ACBD5: variants seen among roughly 807,000 people sequenced by gnomAD.
The protein encoded by ACBD5 is acyl-CoA-binding domain-containing protein 5.
Under a neutral mutation model 71.8 loss-of-function variants are expected in ACBD5, and 40 were observed. The ratio of observed to expected loss-of-function variants is 0.56; its 90% CI spans 0.43 to 0.72. The LOEUF (loss-of-function observed/expected upper bound fraction) is 0.72. ACBD5 is among the 30% of genes least tolerant of loss of function. ACBD5 has a pLI of 0.00. For missense variants in ACBD5, 559 were observed against 644.5 expected (o/e 0.87, Z 1.44); for synonymous variants, 229 against 218.6 (o/e 1.05, Z -0.42).
At position 27,197,313 on chromosome 10, in the gene ACBD5, G is replaced by T; in HGVS notation, c.*117C>A. 1.0e-6 allele frequency: 1 copy of T among 971,138 alleles called. No individual in the cohort carries two copies. Among genetic ancestry groups the T allele is most frequent in the East Asian group, 2.5e-5 (1 of 39,878 alleles). 60.2% of individuals were successfully genotyped at this position (971,138 alleles called of 1,614,324 possible). A position where few individuals can be genotyped will look rare whatever the true frequency, so the allele number is the denominator to read the frequency against. Reference sequence around the variant, plus strand: ...ATATATGTACACAAACTAAACTACTGGACAACAAAAAGCAATGTAATCATC... The same window carrying T: ...ATATATGTACACAAACTAAACTACTTGACAACAAAAAGCAATGTAATCATC... On this transcript the variant is annotated 3_prime_UTR_variant, in exon 13 of 13. Coordinates refer to ENST00000396271, the MANE Select transcript of ACBD5 (RefSeq NM_145698.5).
At chr10:27,197,850 T>G (rs900579517) in intron 12 of ACBD5, among the ~76,000 whole-genome samples, 3 of 152,148 alleles carry the variant, frequency 2.0e-5, no homozygotes, top group Non-Finnish European at 2.9e-5. Flanking sequence ...TTTCGCCATT[T>G]GAACTCCTGA....
intron 9 of ACBD5, among the ~76,000 whole-genome samples, chr10:27,209,454 C>G (rs2060833130): frequency 6.6e-6 from 1 of 152,114 alleles, no homozygotes; most frequent in African/African-American, 2.4e-5. Flanking sequence ...TCCCAAGCAA[C>G]TGGGATTACA....
intron 8 of ACBD5, among the ~76,000 whole-genome samples, chr10:27,215,112 C>T (rs769901312): frequency 3.3e-4 from 50 of 151,946 alleles, no homozygotes; most frequent in Non-Finnish European, 5.7e-4. Flanking sequence ...TGCAGTGACC[C>T]GAGATTGCGC....
chr10:27,183,186 C>CT (rs1405526656), intron 13 of ACBD5, among the ~76,000 whole-genome samples: 1 of 152,112 alleles, frequency 6.6e-6, no homozygotes, highest in Non-Finnish European at 1.5e-5. Context: ...TTATATACCA[C>CT]TCAGTAGTTT....
downstream of ACBD5, among the ~76,000 whole-genome samples, chr10:27,193,736 GAGAA>G (rs1309451221): frequency 6.6e-6 from 1 of 152,140 alleles, no homozygotes; most frequent in Non-Finnish European, 1.5e-5. Context: ...CTAAAGATGG[GAGAA>G]AGAAAGACAG....
rs950606708 is a variant in ACBD5, at chr10:27,226,738, G to A, written c.376-3286C>T. The stretch of plus-strand genomic sequence containing the variant: ...ATGATCTTGGCTCACTGCAGCCTCT[G>A]CCTCTGGGGTTCAAGCAATTCTCCT... On this transcript the variant is annotated intron_variant, in intron 4 of 12. Coordinates refer to ENST00000396271, the MANE Select transcript of ACBD5 (RefSeq NM_145698.5). Among the ~76,000 whole-genome samples, 2 of 151,560 alleles carry A rather than the reference G, an allele frequency of 1.3e-5. 1 individual carries two copies.
At chr10:27,202,045 G>GC (rs1368324993) in intron 12 of ACBD5, among the ~76,000 whole-genome samples, 1 of 151,990 alleles carries the variant, frequency 6.6e-6, no homozygotes, top group African/African-American at 2.4e-5. Flanking sequence ...CCCTCTACTT[G>GC]CCCACACTTT....
chr10:27,218,105 A>C lies in ACBD5; in HGVS notation c.704T>G (p.Phe235Cys), dbSNP rs1424818699. The C allele has an allele frequency of 6.2e-7, 1 of 1,613,978 alleles. No individual in the cohort carries two copies. The highest frequency in any genetic ancestry group is 1.3e-5 in the African/African-American group (1 of 74,922). Residue 235 changes from phenylalanine (F) to cysteine (C), a missense_variant, in exon 7 of 13, where the codon TTT (phenylalanine) becomes TGT (cysteine). Coordinates refer to ENST00000396271, the MANE Select transcript of ACBD5 (RefSeq NM_145698.5). Reference sequence around the variant, plus strand: ...AATGTCATTCTGTATATCCTGAACAAAGCCATCTTTATCATAGCCATTAGT... The same window carrying C: ...AATGTCATTCTGTATATCCTGAACACAGCCATCTTTATCATAGCCATTAGT... ...IVTNGYDKDG[F>C]VQDIQNDIHA...
chr10:27,195,087 A>G, downstream of ACBD5: 1 of 258,920 alleles, frequency 3.9e-6, no homozygotes, highest in South Asian at 4.0e-5. Flanking sequence ...TCTGATTTTT[A>G]TCAAATTGTG....
chr10:27,199,858 G>T (rs1180999696), intron 12 of ACBD5, among the ~76,000 whole-genome samples: 3 of 152,136 alleles, frequency 2.0e-5, no homozygotes, highest in African/African-American at 7.2e-5. Flanking sequence ...CGGGCGTGGT[G>T]GCGGGCGCCT....
In ACBD5 at chr10:27,195,378, G is replaced by A. The variant is rs2059293418; in HGVS notation, c.*2052C>T. On this transcript the variant is annotated 3_prime_UTR_variant, in exon 13 of 13. Coordinates refer to ENST00000396271, the MANE Select transcript of ACBD5 (RefSeq NM_145698.5). Reference sequence around the variant, plus strand: ...ATCTTTACTTTTATATACAAGAACTGTGTGCAAAGTGCTTTTCAAACTATA... The same window carrying A: ...ATCTTTACTTTTATATACAAGAACTATGTGCAAAGTGCTTTTCAAACTATA... 4.4e-6 allele frequency: 2 copies of A among 454,270 alleles called. No individual in the cohort carries two copies. The highest frequency in any genetic ancestry group is 8.8e-6 in the Non-Finnish European group (2 of 226,776). 28.1% of individuals were successfully genotyped at this position (454,270 alleles called of 1,614,324 possible).
intron 7 of ACBD5, 128 bp from the exon 8 acceptor site, chr10:27,215,769 G>A (rs907369761): frequency 9.3e-5 from 61 of 658,180 alleles, no homozygotes; most frequent in Middle Eastern, 4.1e-4. Flanking sequence ...GTGTGATCTC[G>A]GCTCACTGCA....
At chr10:27,190,531 C>T (rs1377038365), downstream of ACBD5, among the ~76,000 whole-genome samples, 2 of 152,170 alleles carry the variant, frequency 1.3e-5, no homozygotes, top group South Asian at 2.1e-4. Flanking sequence ...TAAAGCCTTA[C>T]TATTATGCTC....
In ACBD5 at chr10:27,240,229, G is replaced by A. The variant is rs759349998; in HGVS notation, c.181+90C>T. On this transcript the variant is annotated intron_variant, in intron 2 of 12. Coordinates refer to ENST00000396271, the MANE Select transcript of ACBD5 (RefSeq NM_145698.5). This position sits in a 1 kb window ranked among gnomAD's most constrained non-coding sequence, Gnocchi z 4.1. ...ACATGGCTCCTACACAGAAAAAAAG[G>A]CTAAATAAACAACACTAGAACCAGA... 67 of 1,604,472 alleles carry A rather than the reference G, an allele frequency of 4.2e-5. No homozygotes were observed. Among genetic ancestry groups the A allele is most frequent in the Non-Finnish European group, 4.8e-5 (56 of 1,175,634 alleles).
At chr10:27,229,360 T>A (rs113260938) in intron 4 of ACBD5, among the ~76,000 whole-genome samples, 1 of 151,374 alleles carries the variant, frequency 6.6e-6, no homozygotes, top group African/African-American at 2.4e-5. Context: ...AAGACCGAGG[T>A]GAGTGTATCA....
At position 27,211,013 on chromosome 10, in the gene ACBD5, G is replaced by A; in HGVS notation, c.1005C>T (p.Pro335=). ...QYYLGGHSSQ[P]MENSGFREDI... Reference sequence around the variant, plus strand: ...CTTCACGAAATCCAGAATTTTCCATGGGTTGACTGGAATGACCACCCAAGT... The same window carrying A: ...CTTCACGAAATCCAGAATTTTCCATAGGTTGACTGGAATGACCACCCAAGT... The change falls in exon 9 of 13, where the codon CCC becomes CCT. Residue 335 remains proline (P), a synonymous_variant. Coordinates refer to ENST00000396271, the MANE Select transcript of ACBD5 (RefSeq NM_145698.5). 6.2e-7 allele frequency: 1 copy of A among 1,614,018 alleles called. No individual in the cohort carries two copies. The highest frequency in any genetic ancestry group is 8.5e-7 in the Non-Finnish European group (1 of 1,180,002).
intron 12 of ACBD5, among the ~76,000 whole-genome samples, chr10:27,202,969 CTTTTTTTTTTTT>C (rs775633178): frequency 3.0e-4 from 21 of 70,784 alleles, no homozygotes; most frequent in African/African-American, 1.1e-3. Flanking sequence ...TCTATATCCT[CTTTTTTTTTTTT>C]TTTTTTTTTT....
chr10:27,192,349 ACTCT>A (rs781780230), downstream of ACBD5, among the ~76,000 whole-genome samples: 1 of 151,860 alleles, frequency 6.6e-6, no homozygotes, highest in African/African-American at 2.4e-5. Flanking sequence ...TGGCTTAAAC[ACTCT>A]CTCTCTCCTA....
intron 7 of ACBD5, among the ~76,000 whole-genome samples, 164 bp downstream of exon 7, chr10:27,217,816 C>G (rs1209653352): frequency 6.6e-6 from 1 of 152,134 alleles, no homozygotes; most frequent in East Asian, 1.9e-4. Context: ...AACCTTGGCC[C>G]TAATTCACTC....
Sources: gnomAD v4.1 joint callset for allele counts (sites outside exome capture counted in the v4.1 genomes callset) on GRCh38, gnomAD v4.1.1 for gene constraint, Gnocchi (gnomAD v3.1) non-coding constraint, MANE v1.5 for transcripts, NCBI Gene and HGNC (gene_info 2026-07-23, HGNC 2026-07-21) for gene names.